Variants in DIP2C observed in about 807,000 individuals in gnomAD.
DIP2C encodes disco-interacting protein 2 homolog C.
DIP2C carries 33 observed loss-of-function variants against 192.4 expected under a neutral mutation model. The observed-to-expected ratio is 0.17, with a 90% CI of 0.13 to 0.23. The LOEUF (loss-of-function observed/expected upper bound fraction) is 0.23, where lower values mean the gene tolerates loss of function less well. DIP2C is among the 10% of genes least tolerant of loss of function. The probability of loss-of-function intolerance (pLI) is 1.00; values close to 1 mark genes in which losing one functional copy is unlikely to be tolerated. For synonymous variants in DIP2C, 979 were observed against 864.1 expected, an observed-to-expected ratio of 1.13 and a Z score of -2.33; for missense variants, 1,537 against 2,110.1, an observed-to-expected ratio of 0.73 and a Z score of 5.32.
At chr10:625,593 C>T (rs1008181256) in intron 1 of DIP2C, among the ~76,000 whole-genome samples, 14 of 152,082 alleles carry the variant, frequency 9.2e-5, no homozygotes, top group South Asian at 2.1e-4. Flanking sequence ...AGAGCAGGCT[C>T]GGGGAAGGAC....
chr10:430,992 T>C (rs1018565389), intron 4 of DIP2C, among the ~76,000 whole-genome samples: 1 of 152,256 alleles, frequency 6.6e-6, no homozygotes, highest in Non-Finnish European at 1.5e-5. Context: ...CTGCACTGTA[T>C]TGCCTTTGTT....
At chr10:536,799 G>A (rs996257425) in intron 1 of DIP2C, among the ~76,000 whole-genome samples, 2 of 152,238 alleles carry the variant, frequency 1.3e-5, no homozygotes, top group African/African-American at 4.8e-5. Context: ...CACGTGAACA[G>A]AAGAGTGTGT....
intron 31 of DIP2C, among the ~76,000 whole-genome samples, chr10:325,321 AAAAGT>A (rs925118240): frequency 6.6e-6 from 1 of 152,174 alleles, no homozygotes; most frequent in Non-Finnish European, 1.5e-5. Context: ...AAATAAATGA[AAAAGT>A]AAAGAGGAAA....
At chr10:653,434 C>T (rs541190445) in intron 1 of DIP2C, among the ~76,000 whole-genome samples, 42 of 152,136 alleles carry the variant, frequency 2.8e-4, no homozygotes, top group South Asian at 1.0e-3. Context: ...GGTGACAGAG[C>T]GAGACTCTTG....
intron 3 of DIP2C, among the ~76,000 whole-genome samples, chr10:458,669 C>T (rs1373872143): frequency 1.3e-5 from 2 of 151,398 alleles, no homozygotes; most frequent in African/African-American, 2.4e-5. Context: ...ATGTCCTCTA[C>T]ATTCCTGCCT....
chr10:568,506 G>A (rs986072057), intron 1 of DIP2C, among the ~76,000 whole-genome samples: 5 of 152,032 alleles, frequency 3.3e-5, no homozygotes, highest in African/African-American at 9.7e-5. Flanking sequence ...GGTGGCTCAC[G>A]CCTGTAATCC....
At chr10:462,499 C>T (rs955823696) in intron 3 of DIP2C, among the ~76,000 whole-genome samples, 5 of 152,162 alleles carry the variant, frequency 3.3e-5, no homozygotes, top group African/African-American at 1.2e-4. Context: ...CTGAATAGAC[C>T]AATAACAAGT....
At chr10:650,880 T>C (rs1227096156) in intron 1 of DIP2C, 1 of 717,438 alleles carries the variant, frequency 1.4e-6, no homozygotes, top group South Asian at 1.5e-5. Flanking sequence ...AAACTCCCCC[T>C]GGGATTCGTG....
At chr10:391,722 G>A (rs1488718040) in intron 10 of DIP2C, among the ~76,000 whole-genome samples, 7 of 152,190 alleles carry the variant, frequency 4.6e-5, no homozygotes, top group Admixed American at 3.3e-4. Flanking sequence ...GCAAGTCACC[G>A]TCTTCGCTCC....
At chr10:468,645 A>G (rs927211996) in intron 3 of DIP2C, among the ~76,000 whole-genome samples, 1 of 152,168 alleles carries the variant, frequency 6.6e-6, no homozygotes, top group Non-Finnish European at 1.5e-5. Context: ...CTGTAATCCC[A>G]GCTACTTGAG....
chr10:630,554 T>A (rs1380909094), intron 1 of DIP2C: 3 of 152,230 alleles, frequency 2.0e-5, no homozygotes, highest in Non-Finnish European at 4.4e-5. Flanking sequence ...TAAAATTAGT[T>A]TTGTACTTAA....
chr10:560,190 C>T (rs766503192), intron 1 of DIP2C, among the ~76,000 whole-genome samples: 2 of 152,120 alleles, frequency 1.3e-5, no homozygotes, highest in South Asian at 2.1e-4. Context: ...CATCCCTCCA[C>T]GCACAGCAGA....
chr10:654,400 T>C (rs1856148052), intron 1 of DIP2C, among the ~76,000 whole-genome samples: 1 of 152,186 alleles, frequency 6.6e-6, no homozygotes, highest in Non-Finnish European at 1.5e-5. Context: ...CTTTCCAATT[T>C]TGTTAAAATG....
At chr10:643,187 C>T (rs539548495) in intron 1 of DIP2C, among the ~76,000 whole-genome samples, 2 of 137,742 alleles carry the variant, frequency 1.5e-5, no homozygotes, top group Admixed American at 1.5e-4. Flanking sequence ...CACTGCACTC[C>T]AGCCTGGGCA....
At chr10:456,906 T>C (rs904381285) in intron 3 of DIP2C, among the ~76,000 whole-genome samples, 3 of 152,240 alleles carry the variant, frequency 2.0e-5, no homozygotes, top group African/African-American at 4.8e-5. Flanking sequence ...TCTCTAAGTC[T>C]TTTCTTCATG....
At chr10:298,330 G>T (rs937751471) in intron 32 of DIP2C, among the ~76,000 whole-genome samples, 1 of 152,194 alleles carries the variant, frequency 6.6e-6, no homozygotes, top group Non-Finnish European at 1.5e-5. Context: ...CGGATCACAG[G>T]CATTTTGGAA....
In DIP2C at chr10:663,248, C is replaced by A. The variant is rs990021018; in HGVS notation, c.85+26246G>T. On this transcript the variant is annotated intron_variant, in intron 1 of 36. Coordinates refer to ENST00000280886, the MANE Select transcript of DIP2C (RefSeq NM_014974.3). ...CCAACTAAATGAATAGAAAGATCTA[C>A]AAGGGAAGGCTGAGATCAGCTGAAA... 1.5e-5 allele frequency: 4 copies of A among 271,884 alleles called. No homozygotes were observed. In the Admixed American group the frequency reaches 2.0e-4, roughly 14 times the overall value. The allele number at this position is 271,884 out of a possible 1,614,324, so 16.8% of individuals were successfully genotyped here.
chr10:507,668 T>C (rs1845710775), intron 1 of DIP2C, among the ~76,000 whole-genome samples: 1 of 152,244 alleles, frequency 6.6e-6, no homozygotes, highest in Non-Finnish European at 1.5e-5. Flanking sequence ...CAAAAGCTCG[T>C]CCGTCTTTGA....
chr10:305,794 G>A (rs1411623331), intron 32 of DIP2C, among the ~76,000 whole-genome samples: 1 of 151,940 alleles, frequency 6.6e-6, no homozygotes, highest in African/African-American at 2.4e-5. Context: ...ATAGGCACAT[G>A]CCACCACACC....
Sources: allele counts gnomAD v4.1 joint callset (sites outside exome capture counted in the v4.1 genomes callset), GRCh38; gene constraint gnomAD v4.1.1; transcripts MANE v1.5; gene names NCBI Gene and HGNC (gene_info 2026-07-23, HGNC 2026-07-21).